TAOK3: variants seen among roughly 807,000 people sequenced by gnomAD.
TAOK3 encodes the protein TAO kinase 3.
Under a neutral mutation model 120.4 loss-of-function variants are expected in TAOK3, and 40 were observed. That is an observed-to-expected ratio of 0.33 (90% confidence interval 0.26 to 0.43). TAOK3 has a LOEUF of 0.43. TAOK3 is among the 20% of genes least tolerant of loss of function. The pLI, the probability that TAOK3 is intolerant of heterozygous loss-of-function variation, is 1.00. For synonymous variants in TAOK3, 355 were observed against 387.5 expected (o/e 0.92, Z 0.99); for missense variants, 821 against 1,112.1 (o/e 0.74, Z 3.72).
At position 118,151,150 on chromosome 12, in the gene TAOK3, C is replaced by T. The variant is rs1189920978; in HGVS notation, c.2544G>A (p.Glu848=). Reference sequence around the variant, plus strand: ...GTTCCTTCTGAAGGGCAGCCAGCTCCTCTTCAATCTGAAAGAAGCACGATG... The same window carrying T: ...GTTCCTTCTGAAGGGCAGCCAGCTCTTCTTCAATCTGAAAGAAGCACGATG... The part of the protein sequence containing the change: ...RRAHLEQKIE[E]ELAALQKERS... The change falls in exon 21 of 21, where the codon GAG becomes GAA. Residue 848 remains glutamate (E), a synonymous_variant. Transcript: ENST00000392533. The T allele has an allele frequency of 6.2e-7, 1 of 1,612,084 alleles. No homozygotes were observed. The highest frequency in any genetic ancestry group is 8.5e-7 in the Non-Finnish European group (1 of 1,179,814).
chr12:118,181,486 G>C lies in TAOK3; in HGVS notation c.1451C>G (p.Ala484Gly). ...CTTGAGGCGGTGCTCGTCCATCTCA[G>C]CCTTCAGCTTGTTCTCCAGGGCGAT... ...QLIALENKLK[A>G]EMDEHRLKLQ... is the part of the protein sequence containing the mutation. Residue 484 changes from alanine (A) to glycine (G), a missense_variant, in exon 15 of 21, where the codon GCT becomes GGT. Physicochemically the swap from Ala to Gly is moderately conservative, Grantham distance 60 (BLOSUM62 0). This residue lies in a region of TAOK3 where 354 missense variants were observed against 572.1 expected (regional missense o/e 0.62). Transcript: ENST00000392533. 1.2e-6 allele frequency: 2 copies of C among 1,614,196 alleles called. No individual in the cohort carries two copies. Among genetic ancestry groups the C allele is most frequent in the East Asian group, 2.2e-5 (1 of 44,870 alleles).
At chr12:118,157,578 TCTC>T (rs1322474765) in intron 19 of TAOK3, among the ~76,000 whole-genome samples, 1 of 152,242 alleles carries the variant, frequency 6.6e-6, no homozygotes, top group Non-Finnish European at 1.5e-5. Context: ...CAGGGAGGCC[TCTC>T]CTGACTCTCC....
At chr12:118,335,989 A>G (rs1454983504) in intron 1 of TAOK3, among the ~76,000 whole-genome samples, 1 of 152,224 alleles carries the variant, frequency 6.6e-6, no homozygotes, top group African/African-American at 2.4e-5. Flanking sequence ...TCACAGATTG[A>G]AAGACTCAAC....
At chr12:118,227,570 A>C (rs1269171156) in intron 9 of TAOK3, among the ~76,000 whole-genome samples, 1 of 152,172 alleles carries the variant, frequency 6.6e-6, no homozygotes, top group Non-Finnish European at 1.5e-5. Flanking sequence ...TATGCTAAAT[A>C]CTTTACCTAA....
intron 9 of TAOK3, among the ~76,000 whole-genome samples, chr12:118,217,797 A>ATGTATGTG (rs2038985525): frequency 1.5e-5 from 1 of 65,246 alleles, no homozygotes; most frequent in East Asian, 4.5e-4. Context: ...GTATGTATGT[A>ATGTATGTG]TGTGTGTGTG....
intron 13 of TAOK3, 93 bp from the exon 14 acceptor site, chr12:118,190,034 C>A: frequency 1.3e-6 from 2 of 1,531,022 alleles, no homozygotes; most frequent in South Asian, 1.2e-5. Flanking sequence ...ACAAGCACTG[C>A]TGTTTGAAAT....
intron 3 of TAOK3, 143 bp downstream of exon 3, chr12:118,255,305 G>T: frequency 1.4e-6 from 1 of 705,988 alleles, no homozygotes; most frequent in Non-Finnish European, 2.2e-6. Flanking sequence ...TAGAGACAGG[G>T]TCTTGCTATG....
At chr12:118,296,448 T>G (rs902794439) in intron 1 of TAOK3, among the ~76,000 whole-genome samples, 3 of 152,186 alleles carry the variant, frequency 2.0e-5, no homozygotes, top group African/African-American at 7.2e-5. Context: ...TTTTTTCTAA[T>G]GGACAGAGCA....
chr12:118,338,781 C>T (rs1387631896), intron 1 of TAOK3, among the ~76,000 whole-genome samples: 8 of 110,594 alleles, frequency 7.2e-5, no homozygotes, highest in Non-Finnish European at 1.0e-4. Context: ...AGTGAGACTC[C>T]GTCTCAAAAA....
chr12:118,240,273 G>A (rs946275767), intron 5 of TAOK3, among the ~76,000 whole-genome samples: 4 of 149,830 alleles, frequency 2.7e-5, no homozygotes, highest in Admixed American at 6.7e-5. Flanking sequence ...TCTACCTCCT[G>A]GGTTCAAGCA....
In TAOK3 at chr12:118,150,951, G is replaced by GTTTTATTT; in HGVS notation, c.*45_*46insAAATAAAA. On this transcript the variant is annotated 3_prime_UTR_variant, in exon 21 of 21. Transcript: ENST00000392533. ...TTTTGCAGGGTCTGAATTTTTTTCT[G>GTTTTATTT]TTTTCTTTTTTTTTTTTTTTTTTGT... The GTTTTATTT allele has an allele frequency of 7.3e-7, 1 of 1,364,766 alleles. No individual in the cohort carries two copies. 84.5% of individuals were successfully genotyped at this position (1,364,766 alleles called of 1,614,324 possible).
At position 118,224,342 on chromosome 12, in the gene TAOK3, C is replaced by T. The variant is rs866204895; in HGVS notation, c.643+9332G>A. On this transcript the variant is annotated intron_variant, in intron 9 of 20. Transcript: ENST00000392533. Reference sequence around the variant, plus strand: ...AAATATAACCCCTTCTCCCCAACAACGATCATGGTATTCATTTATTAACAG... The same window carrying T: ...AAATATAACCCCTTCTCCCCAACAATGATCATGGTATTCATTTATTAACAG... Among the ~76,000 whole-genome samples, 51 of 152,298 alleles carry T rather than the reference C, an allele frequency of 3.3e-4. 2 individuals carry two copies. Among genetic ancestry groups the T allele is most frequent in the East Asian group, 1.9e-3 (10 of 5,184 alleles).
chr12:118,273,577 G>A (rs1181129384), intron 1 of TAOK3, among the ~76,000 whole-genome samples: 1 of 152,152 alleles, frequency 6.6e-6, no homozygotes, highest in Non-Finnish European at 1.5e-5. Context: ...CACTTTGGGA[G>A]GCTGAGGCAG....
chr12:118,316,968 C>T (rs1466622989), intron 1 of TAOK3, among the ~76,000 whole-genome samples: 1 of 151,956 alleles, frequency 6.6e-6, no homozygotes, highest in African/African-American at 2.4e-5. Flanking sequence ...ATGAAAACTA[C>T]AAAACATTGC....
At chr12:118,336,524 G>T (rs1177502663) in intron 1 of TAOK3, among the ~76,000 whole-genome samples, 8 of 151,964 alleles carry the variant, frequency 5.3e-5, no homozygotes, top group African/African-American at 1.9e-4. Flanking sequence ...GAGAAAATTT[G>T]GGGGATCTAG....
chr12:118,234,861 T>C (rs2039957372), intron 8 of TAOK3, among the ~76,000 whole-genome samples: 1 of 152,220 alleles, frequency 6.6e-6, no homozygotes. Context: ...TGCATCTTCA[T>C]TAGGAGGGCA....
intron 3 of TAOK3, among the ~76,000 whole-genome samples, chr12:118,247,340 A>G (rs2040558555): frequency 6.6e-6 from 1 of 152,092 alleles, no homozygotes; most frequent in Non-Finnish European, 1.5e-5. Context: ...TTTTTTATCT[A>G]TAGAGGTTGC....
At chr12:118,243,538 C>A in intron 4 of TAOK3, 22 bp from the exon 5 acceptor site, 1 of 1,074,618 alleles carries the variant, frequency 9.3e-7, no homozygotes, top group Non-Finnish European at 1.3e-6. Flanking sequence ...AGAAAAGGAA[C>A]ATTTTAATTT....
chr12:118,200,078 TA>T (rs1422093592), intron 12 of TAOK3: 1 of 151,706 alleles, frequency 6.6e-6, no homozygotes, highest in South Asian at 2.1e-4. Context: ...CATGGCAATA[TA>T]AAAAATTACT....
Sources: gnomAD v4.1 joint callset for allele counts (sites outside exome capture counted in the v4.1 genomes callset) on GRCh38, gnomAD v4.1.1 for gene constraint, gnomAD v4.1.1 regional missense constraint, MANE v1.5 for transcripts, NCBI Gene and HGNC (gene_info 2026-07-23, HGNC 2026-07-21) for gene names.